Variants in RANBP2 observed in about 807,000 individuals in gnomAD.
RANBP2 encodes the protein RAN binding protein 2, also known as E3 SUMO-protein ligase RanBP2.
A neutral mutation model predicts 303.6 loss-of-function variants in RANBP2; 57 were observed. The observed-to-expected ratio is 0.19, with a 90% CI of 0.15 to 0.23. The LOEUF is 0.23. Ranked by LOEUF, RANBP2 falls within the 10% of genes least tolerant of loss-of-function variation. RANBP2 has a pLI of 1.00. For missense variants in RANBP2, 3,138 were observed against 3,780.8 expected, an observed-to-expected ratio of 0.83 and a Z score of 4.46; for synonymous variants, 1,167 against 1,301.5, an observed-to-expected ratio of 0.90 and a Z score of 2.23.
the RANBP2 span, chr2:109,347,873 C>A: frequency 6.2e-7 from 1 of 1,613,148 alleles, no homozygotes; most frequent in South Asian, 1.1e-5. Context: ...CCACACGCCC[C>A]GCCCCAGGGA....
At chr2:108,782,077 T>A (rs1678291881) in intron 26 of RANBP2, 51 bp from the exon 27 acceptor site, 1 of 1,586,474 alleles carries the variant, frequency 6.3e-7, no homozygotes, top group Non-Finnish European at 8.6e-7. Flanking sequence ...AAATTTGTCA[T>A]GGAATTTATT....
At chr2:109,534,002 G>C in the RANBP2 span, among the ~76,000 whole-genome samples, 1 of 152,230 alleles carries the variant, frequency 6.6e-6, no homozygotes, top group African/African-American at 2.4e-5. Context: ...GGGCAGCGCT[G>C]CACAGTGCCA....
At chr2:109,093,845 C>G in the RANBP2 span, among the ~76,000 whole-genome samples, 1 of 152,328 alleles carries the variant, frequency 6.6e-6, no homozygotes, top group East Asian at 1.9e-4. Flanking sequence ...TACTAACAGC[C>G]TGGGACTCCT....
At chr2:109,338,757 C>T in the RANBP2 span, among the ~76,000 whole-genome samples, 1 of 152,142 alleles carries the variant, frequency 6.6e-6, no homozygotes, top group Non-Finnish European at 1.5e-5. Flanking sequence ...GGAGTTTCAC[C>T]ATGTTGGCCA....
chr2:108,780,834 C>G (rs1204544934), intron 25 of RANBP2, among the ~76,000 whole-genome samples: 1 of 151,880 alleles, frequency 6.6e-6, no homozygotes, highest in Admixed American at 6.6e-5. Flanking sequence ...CCCAGCCTCC[C>G]GAGTAGCTGG....
the RANBP2 span, among the ~76,000 whole-genome samples, chr2:109,592,423 C>G: frequency 2.0e-5 from 3 of 151,576 alleles, no homozygotes; most frequent in Non-Finnish European, 4.4e-5. Context: ...TGAGATTGCA[C>G]CATCGCATTC....
the RANBP2 span, among the ~76,000 whole-genome samples, chr2:109,123,575 T>C: frequency 5.3e-5 from 8 of 152,228 alleles, no homozygotes; most frequent in Non-Finnish European, 1.0e-4. Context: ...ATGTAAAATA[T>C]AGACTCAAGT....
intron 19 of RANBP2, among the ~76,000 whole-genome samples, chr2:108,762,806 A>G (rs976347974): frequency 4.6e-5 from 7 of 152,030 alleles, no homozygotes; most frequent in African/African-American, 1.7e-4. Context: ...TACCATCATC[A>G]TCATCATCAT....
chr2:108,818,819 A>G, the RANBP2 span, among the ~76,000 whole-genome samples: 1 of 149,330 alleles, frequency 6.7e-6, no homozygotes, highest in South Asian at 2.2e-4. Flanking sequence ...GAAACTTCTG[A>G]CTTTTTTTTT....
the RANBP2 span, among the ~76,000 whole-genome samples, chr2:109,196,636 C>T: frequency 9.1e-4 from 138 of 152,256 alleles, no homozygotes; most frequent in African/African-American, 1.3e-3. Context: ...GCTGTGGTTG[C>T]GGCTGTACCT....
Position 108,764,590 on chromosome 2 carries a change from AAAG to A in RANBP2, c.4055_4057del (p.Glu1352del), listed in dbSNP as rs779773635. 10 of 1,614,078 alleles carry A rather than the reference AAAG, an allele frequency of 6.2e-6. No homozygotes were observed. The highest frequency in any genetic ancestry group is 1.3e-5 in the African/African-American group (1 of 75,038). On this transcript the variant is annotated inframe_deletion, in exon 20 of 29. Coordinates refer to ENST00000283195, the MANE Select transcript of RANBP2 (RefSeq NM_006267.5). ...GAATTTTGAATTTCAGGTTGCAAAG[AAAG>A]AAGGGTCTTGGTGGCATTGTAACAG... is the stretch of plus-strand genomic sequence containing the variant.
chr2:108,806,899 C>T, the RANBP2 span, among the ~76,000 whole-genome samples: 2 of 152,142 alleles, frequency 1.3e-5, no homozygotes, highest in African/African-American at 4.8e-5. Context: ...TCCCAGTGAA[C>T]ACCCCAGGAT....
the RANBP2 span, chr2:108,930,071 G>A: frequency 1.3e-6 from 2 of 1,583,256 alleles, no homozygotes; most frequent in South Asian, 1.1e-5. Flanking sequence ...CCACAAGCAG[G>A]AGGCCTCCCC....
At chr2:109,614,658 A>G in the RANBP2 span, 4 of 1,477,746 alleles carry the variant, frequency 2.7e-6, no homozygotes, top group African/African-American at 2.9e-5. Flanking sequence ...CGCGCACTTC[A>G]AGGAGCTGGT....
downstream of RANBP2, chr2:108,788,990 G>A (rs1475521662): frequency 5.0e-6 from 8 of 1,612,222 alleles, no homozygotes; most frequent in Non-Finnish European, 6.8e-6. Flanking sequence ...AAACTTTACT[G>A]TTGCTACCCC....
At chr2:109,571,145 C>T in the RANBP2 span, among the ~76,000 whole-genome samples, 1 of 152,168 alleles carries the variant, frequency 6.6e-6, no homozygotes, top group Non-Finnish European at 1.5e-5. Flanking sequence ...TTCCCCTTCG[C>T]CTTCCGCCAT....
the RANBP2 span, among the ~76,000 whole-genome samples, chr2:109,579,990 A>T: frequency 1.3e-5 from 2 of 151,620 alleles, no homozygotes; most frequent in Non-Finnish European, 2.9e-5. Flanking sequence ...GCGTGGTGGC[A>T]GGCGCCTGTA....
chr2:109,013,622 C>T, the RANBP2 span, among the ~76,000 whole-genome samples: 2 of 150,598 alleles, frequency 1.3e-5, no homozygotes, highest in African/African-American at 2.4e-5. Context: ...GATGGAGTCT[C>T]ACTCTGGGGT....
chr2:109,375,262 G>T, the RANBP2 span, among the ~76,000 whole-genome samples: 1 of 152,222 alleles, frequency 6.6e-6, no homozygotes, highest in African/African-American at 2.4e-5. Context: ...CCATGCCCTG[G>T]AACCTGCCTC....
Sources: allele counts gnomAD v4.1 joint callset (sites outside exome capture counted in the v4.1 genomes callset), GRCh38; gene constraint gnomAD v4.1.1; transcripts MANE v1.5; gene names NCBI Gene and HGNC (gene_info 2026-07-23, HGNC 2026-07-21).